AGBL4: variants seen among roughly 807,000 people sequenced by gnomAD.
The protein encoded by AGBL4 is cytosolic carboxypeptidase 6.
Under a neutral mutation model 66.4 loss-of-function variants are expected in AGBL4, and 58 were observed. The observed-to-expected ratio is 0.87, with a 90% CI of 0.71 to 1.09. The LOEUF (loss-of-function observed/expected upper bound fraction) is 1.09, where lower values mean the gene tolerates loss of function less well. Among genes scored for constraint, AGBL4 ranks in the 50% least tolerant of loss-of-function variants. The pLI is 0.00. For missense variants in AGBL4, 579 were observed against 631.0 expected (o/e 0.92, Z 0.88); for synonymous variants, 234 against 222.9 (o/e 1.05, Z -0.44).
At chr1:48,600,004 C>T (rs969098608) in intron 9 of AGBL4, among the ~76,000 whole-genome samples, 9 of 151,862 alleles carry the variant, frequency 5.9e-5, no homozygotes, top group Admixed American at 5.2e-4. Flanking sequence ...GAAAGGAGAC[C>T]GTGGAGTGGT....
chr1:48,783,787 A>G (rs1264143632), intron 6 of AGBL4, among the ~76,000 whole-genome samples: 1 of 152,090 alleles, frequency 6.6e-6, no homozygotes, highest in African/African-American at 2.4e-5. Context: ...TTGTTTTTTA[A>G]TTCCCAGAGT....
intron 3 of AGBL4, among the ~76,000 whole-genome samples, chr1:49,276,900 T>G (rs1194563696): frequency 6.6e-6 from 1 of 152,206 alleles, no homozygotes; most frequent in Non-Finnish European, 1.5e-5. Flanking sequence ...TTTATTAATC[T>G]GCCTTTTGTG....
At chr1:49,291,768 G>A (rs1417322265) in intron 3 of AGBL4, among the ~76,000 whole-genome samples, 3 of 152,200 alleles carry the variant, frequency 2.0e-5, no homozygotes, top group Admixed American at 1.3e-4. Flanking sequence ...ATCATGCCAG[G>A]TGCAGCAGGG....
chr1:49,948,053 T>TAC (rs1557608079), intron 1 of AGBL4, among the ~76,000 whole-genome samples: 4 of 6,126 alleles, frequency 6.5e-4, no homozygotes, highest in African/African-American at 2.2e-3. Flanking sequence ...AATATATAAA[T>TAC]ATATATATGT....
chr1:49,568,336 C>A (rs1484029716), intron 3 of AGBL4, among the ~76,000 whole-genome samples: 2 of 151,982 alleles, frequency 1.3e-5, no homozygotes, highest in African/African-American at 2.4e-5. Context: ...TTCTTATACA[C>A]CAATAACTGT....
intron 2 of AGBL4, among the ~76,000 whole-genome samples, chr1:49,807,633 G>C (rs375993550): frequency 6.6e-6 from 1 of 152,174 alleles, no homozygotes. Context: ...GCTGGAAATA[G>C]TAAACACTTT....
chr1:49,637,407 T>C (rs1443763508), intron 3 of AGBL4, among the ~76,000 whole-genome samples: 6 of 152,046 alleles, frequency 3.9e-5, no homozygotes, highest in Non-Finnish European at 8.8e-5. Flanking sequence ...TTCAAGCAAT[T>C]CTCCTGCCTC....
At chr1:48,965,060 T>TTTTCCATCTTTCCAAATTTTATC (rs1306974671) in intron 5 of AGBL4, among the ~76,000 whole-genome samples, 1 of 152,168 alleles carries the variant, frequency 6.6e-6, no homozygotes, top group Non-Finnish European at 1.5e-5. Flanking sequence ...GGTACTTACT[T>TTTTCCATCTTTCCAAATTTTATC]TTTCCATCTT....
At chr1:49,678,931 A>C (rs2124552743) in intron 3 of AGBL4, among the ~76,000 whole-genome samples, 1 of 152,230 alleles carries the variant, frequency 6.6e-6, no homozygotes, top group East Asian at 1.9e-4. Context: ...GAAATTTCCC[A>C]AAATTTGTTA....
intron 1 of AGBL4, among the ~76,000 whole-genome samples, chr1:49,948,127 T>TA (rs1322356263): frequency 9.7e-6 from 1 of 103,074 alleles, no homozygotes; most frequent in African/African-American, 4.2e-5. Context: ...TGTAAATATA[T>TA]ATAAATATAT....
chr1:49,458,902 T>A (rs1217587148), intron 3 of AGBL4, among the ~76,000 whole-genome samples: 1 of 151,780 alleles, frequency 6.6e-6, no homozygotes, highest in Non-Finnish European at 1.5e-5. Context: ...GCATCCCTGG[T>A]ATGAAAGCCA....
intron 2 of AGBL4, among the ~76,000 whole-genome samples, chr1:49,780,919 A>T (rs986069719): frequency 1.3e-5 from 2 of 152,154 alleles, no homozygotes; most frequent in African/African-American, 4.8e-5. Flanking sequence ...AAAGGCAGAC[A>T]TTATAACTCC....
At chr1:49,371,240 G>C (rs1359019630) in intron 3 of AGBL4, among the ~76,000 whole-genome samples, 8 of 135,936 alleles carry the variant, frequency 5.9e-5, no homozygotes, top group South Asian at 2.2e-4. Context: ...TAGATAGATA[G>C]ATAGATAGAT....
At chr1:49,735,248 C>T (rs2124726441) in intron 2 of AGBL4, among the ~76,000 whole-genome samples, 1 of 151,244 alleles carries the variant, frequency 6.6e-6, no homozygotes. Context: ...TCCAGGTAAG[C>T]TCATTGCAAT....
chr1:49,404,362 A>C (rs1056271206), intron 3 of AGBL4, among the ~76,000 whole-genome samples: 2 of 152,194 alleles, frequency 1.3e-5, no homozygotes, highest in Non-Finnish European at 2.9e-5. Flanking sequence ...GAGAACCCTC[A>C]CTAGAAGCCA....
At chr1:49,529,044 T>C (rs1475833112) in intron 3 of AGBL4, among the ~76,000 whole-genome samples, 1 of 152,082 alleles carries the variant, frequency 6.6e-6, no homozygotes, top group Non-Finnish European at 1.5e-5. Flanking sequence ...GATCAGATTA[T>C]TATTTTAGAA....
intron 3 of AGBL4, among the ~76,000 whole-genome samples, chr1:49,689,231 TTTTAA>T (rs1318471719): frequency 3.9e-5 from 6 of 152,188 alleles, no homozygotes; most frequent in African/African-American, 1.4e-4. Flanking sequence ...CATTAATCTC[TTTTAA>T]TTTAACTTTG....
At chr1:49,300,446 AG>A (rs1644724766) in intron 3 of AGBL4, among the ~76,000 whole-genome samples, 2 of 152,202 alleles carry the variant, frequency 1.3e-5, no homozygotes, top group Admixed American at 1.3e-4. Context: ...CAATGAGATA[AG>A]GGTAACTTTG....
Position 48,815,367 on chromosome 1 carries a change from G to A in AGBL4, c.634+51824C>T, listed in dbSNP as rs925842643. On this transcript the variant is annotated intron_variant, in intron 6 of 13. Transcript: ENST00000371839. Reference sequence around the variant, plus strand: ...TCACTGTTAAACAGAACAGTGAGTTGAATACCAGAAATTCAACCAGGGTGA... The same window carrying A: ...TCACTGTTAAACAGAACAGTGAGTTAAATACCAGAAATTCAACCAGGGTGA... 3.3e-5 allele frequency among the ~76,000 whole-genome samples: 5 copies of A among 152,054 alleles called. No homozygotes were observed. In the East Asian group the frequency reaches 9.6e-4, roughly 29 times the overall value.
Sources: allele counts gnomAD v4.1 joint callset (sites outside exome capture counted in the v4.1 genomes callset), GRCh38; gene constraint gnomAD v4.1.1; transcripts MANE v1.5; gene names NCBI Gene and HGNC (gene_info 2026-07-23, HGNC 2026-07-21).